Variants in HEATR5A observed in about 807,000 individuals in gnomAD.
HEATR5A encodes HEAT repeat-containing protein 5A.
Under a neutral mutation model 218.8 loss-of-function variants are expected in HEATR5A, and 178 were observed. That is an observed-to-expected ratio of 0.81 (90% CI 0.72 to 0.92). The LOEUF (loss-of-function observed/expected upper bound fraction) is 0.92, where lower values mean the gene tolerates loss of function less well. HEATR5A is among the 40% of genes least tolerant of loss of function. The probability of loss-of-function intolerance (pLI) is 0.00; values close to 1 mark genes in which losing one functional copy is unlikely to be tolerated. For missense variants in HEATR5A, 2,420 were observed against 2,418.9 expected, an observed-to-expected ratio of 1.00 and a Z score of -0.01; for synonymous variants, 864 against 871.6, an observed-to-expected ratio of 0.99 and a Z score of 0.15.
At chr14:31,387,748 G>A (rs568099722) in intron 7 of HEATR5A, among the ~76,000 whole-genome samples, 1 of 152,116 alleles carries the variant, frequency 6.6e-6, no homozygotes, top group African/African-American at 2.4e-5. Flanking sequence ...TTTTAGTAGA[G>A]ACGGGGTTTC....
chr14:31,402,755 TA>T, intron 2 of HEATR5A, 94 bp downstream of exon 2: 1 of 1,173,860 alleles, frequency 8.5e-7, no homozygotes, highest in Non-Finnish European at 1.2e-6. Context: ...ATTGTAAAGC[TA>T]AATTAGGTTA....
rs765565602 is a variant in HEATR5A at position 31,323,596 on chromosome 14, T to C, written c.3756A>G (p.Leu1252=). 9.9e-6 allele frequency: 16 copies of C among 1,610,712 alleles called. No homozygotes were observed. Among genetic ancestry groups the C allele is most frequent in the Non-Finnish European group, 1.4e-5 (16 of 1,178,046 alleles). The stretch of plus-strand genomic sequence containing the variant: ...AATCTCTTTTTTTCATTTCTTGTGC[T>C]AAAGCAATGTCAAAATGTGCACTGT... ...NANSAHFDIA[L]AQEMKKRDSR... is the part of the protein sequence containing the mutation. The change falls in exon 24 of 36, where the codon TTA becomes TTG. Residue 1252 remains leucine (L), a synonymous_variant. Transcript: ENST00000543095.
chr14:31,342,385 AAAAT>A (rs1381505671), intron 21 of HEATR5A, among the ~76,000 whole-genome samples: 2 of 152,172 alleles, frequency 1.3e-5, no homozygotes, highest in Admixed American at 6.5e-5. Flanking sequence ...CTGTGCCTCT[AAAAT>A]AAATAAATAA....
chr14:31,334,682 C>T (rs142653504), intron 22 of HEATR5A, among the ~76,000 whole-genome samples: 2,065 of 152,268 alleles, frequency 0.014, 74 homozygotes, highest in Admixed American at 0.075. Flanking sequence ...TGTGGTGGCT[C>T]ACGCCTTTAG....
chr14:31,309,176 G>A lies in HEATR5A; in HGVS notation c.4448C>T (p.Ala1483Val). ...FASQLPAEGG[A>V]FYTAETSENA... The stretch of plus-strand genomic sequence containing the variant: ...TTCACTAGTCTCTGCTGTGTAGAAA[G>A]CACCACCTAAAGCAAACAGTTTCAG... The change falls in exon 29 of 36, where the codon GCT (alanine) becomes GTT (valine). Residue 1483 changes from alanine to valine, a missense_variant. Transcript: ENST00000543095. The A allele has an allele frequency of 6.2e-7, 1 of 1,612,858 alleles. No individual in the cohort carries two copies. The highest frequency in any genetic ancestry group is 1.1e-5 in the South Asian group (1 of 90,966).
In HEATR5A at chr14:31,324,683, C is replaced by CT. The variant is rs57220635; in HGVS notation, c.3548-880dup. Among the ~76,000 whole-genome samples the CT allele has an allele frequency of 4.2e-4, 53 of 125,992 alleles. No homozygotes were observed. In the South Asian group the frequency reaches 5.4e-3, roughly 13 times the overall value. The allele number at this position is 125,992 out of a possible 152,430, so 82.7% of individuals were successfully genotyped here. ...ATCAGTCTATGCACACATGTATTTT[C>CT]TTTTTTTTTTTTTTTTTGAGACAAG... On this transcript the variant is annotated intron_variant, in intron 23 of 35. Transcript: ENST00000543095.
At chr14:31,363,206 T>A (rs1198555995) in intron 14 of HEATR5A, among the ~76,000 whole-genome samples, 1 of 150,152 alleles carries the variant, frequency 6.7e-6, no homozygotes, top group Admixed American at 6.7e-5. Context: ...GCCACTGCAC[T>A]CCAGCCTGGG....
At chr14:31,353,697 C>A (rs1901311851) in intron 16 of HEATR5A, among the ~76,000 whole-genome samples, 1 of 151,942 alleles carries the variant, frequency 6.6e-6, no homozygotes, top group African/African-American at 2.4e-5. Flanking sequence ...AATAGCACCA[C>A]TGCATTCCAG....
chr14:31,340,633 A>G (rs1411561691), intron 21 of HEATR5A, among the ~76,000 whole-genome samples: 1 of 152,230 alleles, frequency 6.6e-6, no homozygotes, highest in African/African-American at 2.4e-5. Flanking sequence ...CAAATATTTT[A>G]TTTTCCAACA....
chr14:31,294,666 C>T (rs950774817), intron 34 of HEATR5A, among the ~76,000 whole-genome samples: 3 of 152,070 alleles, frequency 2.0e-5, no homozygotes, highest in Non-Finnish European at 1.5e-5. Context: ...CTGCCTTGGC[C>T]TCCCGAAGTG....
intron 10 of HEATR5A, among the ~76,000 whole-genome samples, chr14:31,381,619 CA>C (rs1235395578): frequency 1.4e-5 from 2 of 143,892 alleles, no homozygotes; most frequent in African/African-American, 2.6e-5. Flanking sequence ...CCTATCTTCA[CA>C]AAAAAATAAA....
intron 16 of HEATR5A, among the ~76,000 whole-genome samples, chr14:31,355,375 T>C (rs1901388283): frequency 6.6e-6 from 1 of 150,718 alleles, no homozygotes; most frequent in Admixed American, 6.6e-5. Flanking sequence ...ATGGTGCCAC[T>C]GCACTCCAGC....
intron 13 of HEATR5A, among the ~76,000 whole-genome samples, chr14:31,364,626 G>A (rs1368157031): frequency 6.6e-6 from 1 of 152,088 alleles, no homozygotes; most frequent in African/African-American, 2.4e-5. Context: ...GTTTCGTCAT[G>A]TTGCCCAGGC....
chr14:31,353,604 T>C (rs1008266983), intron 16 of HEATR5A, among the ~76,000 whole-genome samples: 14 of 152,032 alleles, frequency 9.2e-5, no homozygotes, highest in Admixed American at 9.2e-4. Flanking sequence ...AGTGTATTGG[T>C]GCCTGACTGT....
intron 4 of HEATR5A, among the ~76,000 whole-genome samples, chr14:31,396,757 G>A (rs941445900): frequency 2.0e-5 from 3 of 152,118 alleles, no homozygotes; most frequent in Non-Finnish European, 2.9e-5. Context: ...TGTGATACCT[G>A]ATCAACTAAA....
chr14:31,409,297 C>T (rs888403229), intron 1 of HEATR5A, among the ~76,000 whole-genome samples: 4 of 151,098 alleles, frequency 2.6e-5, no homozygotes, highest in Middle Eastern at 3.4e-3. Context: ...ATCCAACCGC[C>T]TCGGCATCCC....
intron 10 of HEATR5A, 46 bp downstream of exon 10, chr14:31,383,475 T>C (rs2030078963): frequency 1.9e-6 from 3 of 1,548,016 alleles, no homozygotes; most frequent in East Asian, 2.3e-5. Flanking sequence ...AAGATACTTC[T>C]AACAAAAAGC....
At chr14:31,407,647 A>C (rs2031129471) in intron 1 of HEATR5A, among the ~76,000 whole-genome samples, 1 of 93,396 alleles carries the variant, frequency 1.1e-5, no homozygotes, top group Non-Finnish European at 2.3e-5. Context: ...TGTATTTTGG[A>C]GATGGAGTTT....
At chr14:31,360,965 G>C (rs1901597454) in intron 14 of HEATR5A, among the ~76,000 whole-genome samples, 1 of 152,072 alleles carries the variant, frequency 6.6e-6, no homozygotes, top group African/African-American at 2.4e-5. Context: ...TTGGCTTACT[G>C]AATACTTAAT....
Sources: allele counts gnomAD v4.1 joint callset (sites outside exome capture counted in the v4.1 genomes callset), GRCh38; gene constraint gnomAD v4.1.1; transcripts MANE v1.5; gene names NCBI Gene and HGNC (gene_info 2026-07-23, HGNC 2026-07-21).